GPC5: variants seen among roughly 807,000 people sequenced by gnomAD.
The protein encoded by GPC5 is glypican-5.
A neutral mutation model predicts 53.9 loss-of-function variants in GPC5; 47 were observed. The observed-to-expected ratio is 0.87, with a 90% CI of 0.69 to 1.11. GPC5 has a LOEUF of 1.11. Ranked by LOEUF, GPC5 falls within the 50% of genes most tolerant of loss-of-function variation. The pLI is 0.00. For synonymous variants in GPC5, 286 were observed against 263.3 expected, an observed-to-expected ratio of 1.09 and a Z score of -0.84; for missense variants, 748 against 713.1, an observed-to-expected ratio of 1.05 and a Z score of -0.56.
chr13:92,644,040 A>G (rs1440216454), intron 7 of GPC5, among the ~76,000 whole-genome samples: 2 of 152,198 alleles, frequency 1.3e-5, no homozygotes, highest in Non-Finnish European at 2.9e-5. Flanking sequence ...CAGAGGAAGC[A>G]TGGGGGTAGG....
intron 5 of GPC5, among the ~76,000 whole-genome samples, chr13:91,799,044 A>T (rs973691324): frequency 6.6e-6 from 1 of 151,934 alleles, no homozygotes; most frequent in African/African-American, 2.4e-5. Context: ...TATGTTCCTT[A>T]CCGTACTATT....
intron 7 of GPC5, among the ~76,000 whole-genome samples, chr13:92,715,370 A>G (rs1387417665): frequency 6.6e-6 from 1 of 152,216 alleles, no homozygotes; most frequent in Non-Finnish European, 1.5e-5. Context: ...TATGAATCAG[A>G]ATTTCCTCCT....
intron 7 of GPC5, among the ~76,000 whole-genome samples, chr13:92,530,844 T>A (rs9516089): frequency 0.44 from 67,340 of 151,970 alleles, 15,541 homozygotes; most frequent in African/African-American, 0.56. Context: ...TCTAATTGAG[T>A]TTGGTGAATC....
chr13:92,707,734 A>C (rs1887999282), intron 7 of GPC5, among the ~76,000 whole-genome samples: 1 of 152,092 alleles, frequency 6.6e-6, no homozygotes, highest in South Asian at 2.1e-4. Context: ...CTTAGGCTAC[A>C]ATCCTACAAA....
In GPC5 at chr13:92,166,945, C is replaced by CTCTA. The variant is rs1391897030; in HGVS notation, c.1561+21959_1561+21960insATCT. The stretch of plus-strand genomic sequence containing the variant: ...AGTCTCTCTCTCTCTCTCTCTCTCT[C>CTCTA]TCTCTCTCTCTCACACACACACACA... On this transcript the variant is annotated intron_variant, in intron 7 of 7. Coordinates refer to ENST00000377067, the MANE Select transcript of GPC5 (RefSeq NM_004466.6). Among the ~76,000 whole-genome samples the CTCTA allele has an allele frequency of 7.2e-3, 487 of 67,854 alleles. 3 individuals are homozygous for CTCTA. Among genetic ancestry groups the CTCTA allele is most frequent in the African/African-American group, 0.018 (443 of 24,058 alleles). 44.5% of individuals were successfully genotyped at this position (67,854 alleles called of 152,430 possible).
intron 7 of GPC5, among the ~76,000 whole-genome samples, chr13:92,611,879 C>T (rs11617429): frequency 0.16 from 24,752 of 151,960 alleles, 2,478 homozygotes; most frequent in Non-Finnish European, 0.23. Context: ...TACTGCCATA[C>T]GATTCCAAAT....
At chr13:92,053,882 A>G (rs1369857250) in intron 6 of GPC5, among the ~76,000 whole-genome samples, 3 of 151,724 alleles carry the variant, frequency 2.0e-5, no homozygotes, top group Non-Finnish European at 2.9e-5. Context: ...ATACAAAAAA[A>G]TTAGCCGGTT....
intron 7 of GPC5, among the ~76,000 whole-genome samples, chr13:92,756,508 G>A (rs1225486185): frequency 6.6e-6 from 1 of 151,998 alleles, no homozygotes; most frequent in East Asian, 1.9e-4. Flanking sequence ...ATGAAATAAA[G>A]GGTATTCAAT....
rs548586211 is a variant in GPC5, at chr13:92,753,664, C to T, written c.1562-112618C>T. On this transcript the variant is annotated intron_variant, in intron 7 of 7. Coordinates refer to ENST00000377067, the MANE Select transcript of GPC5 (RefSeq NM_004466.6). ...GCTGATGGAGCTGAAAACCAAGGCT[C>T]GAGAACTACGTGAAGAATGCAGAAA... Among the ~76,000 whole-genome samples the T allele has an allele frequency of 8.4e-3, 1,276 of 151,914 alleles. 17 individuals carry two copies. Among genetic ancestry groups the T allele is most frequent in the African/African-American group, 0.03 (1,223 of 41,422 alleles).
chr13:91,785,329 A>G (rs1210651349), intron 5 of GPC5, among the ~76,000 whole-genome samples: 1 of 152,154 alleles, frequency 6.6e-6, no homozygotes, highest in Non-Finnish European at 1.5e-5. Context: ...GCCTCTACCT[A>G]TTAGATGCCA....
At chr13:91,490,485 AATTG>A (rs1883882126) in intron 2 of GPC5, among the ~76,000 whole-genome samples, 1 of 152,148 alleles carries the variant, frequency 6.6e-6, no homozygotes, top group East Asian at 1.9e-4. Flanking sequence ...GTTTTTATTT[AATTG>A]ATAATCCTTA....
Position 92,527,172 on chromosome 13 carries a change from G to GA in GPC5, c.1562-339109dup, listed in dbSNP as rs1472056609. On this transcript the variant is annotated intron_variant, in intron 7 of 7. Coordinates refer to ENST00000377067, the MANE Select transcript of GPC5 (RefSeq NM_004466.6). Reference sequence around the variant, plus strand: ...AGAAAGAAAGAAAGAAAGAAAGAAAGAGAAAGAAAGAAGAAAGAAAGAAAG... The same window carrying GA: ...AGAAAGAAAGAAAGAAAGAAAGAAAGAAGAAAGAAAGAAGAAAGAAAGAAAG... Among the ~76,000 whole-genome samples the GA allele has an allele frequency of 4.8e-3, 295 of 60,940 alleles. 8 individuals carry two copies. Among genetic ancestry groups the GA allele is most frequent in the African/African-American group, 0.016 (269 of 16,416 alleles). The allele number at this position is 60,940 out of a possible 152,430, so 40.0% of individuals were successfully genotyped here.
chr13:91,783,807 T>G (rs1407048252), intron 5 of GPC5, among the ~76,000 whole-genome samples: 1 of 152,162 alleles, frequency 6.6e-6, no homozygotes, highest in Non-Finnish European at 1.5e-5. Flanking sequence ...AGTATTTGTG[T>G]TAAAAGTTCT....
intron 7 of GPC5, among the ~76,000 whole-genome samples, chr13:92,557,007 C>T (rs1230060965): frequency 6.6e-6 from 1 of 151,562 alleles, no homozygotes; most frequent in Non-Finnish European, 1.5e-5. Context: ...ATGTTTTAAT[C>T]TTTGCAATAG....
At chr13:92,774,099 G>A (rs1875707107) in intron 7 of GPC5, among the ~76,000 whole-genome samples, 1 of 152,180 alleles carries the variant, frequency 6.6e-6, no homozygotes, top group African/African-American at 2.4e-5. Context: ...TATAATTCAA[G>A]GTGAGATTTG....
At chr13:92,600,879 A>G (rs1049529883) in intron 7 of GPC5, among the ~76,000 whole-genome samples, 1 of 152,064 alleles carries the variant, frequency 6.6e-6, no homozygotes, top group South Asian at 2.1e-4. Context: ...AATTTACCCA[A>G]ATATGAAAAT....
At chr13:92,209,653 T>G (rs927680461) in intron 7 of GPC5, among the ~76,000 whole-genome samples, 5 of 152,116 alleles carry the variant, frequency 3.3e-5, no homozygotes, top group African/African-American at 1.2e-4. Context: ...AAATAACATG[T>G]GTGTGAGAAT....
intron 7 of GPC5, among the ~76,000 whole-genome samples, chr13:92,445,205 TCC>T (rs1877749085): frequency 1.3e-5 from 2 of 150,904 alleles, no homozygotes; most frequent in Admixed American, 6.6e-5. Flanking sequence ...TCCCCTCCTC[TCC>T]CCTCTCTCTC....
At chr13:92,595,444 G>A (rs1031493515) in intron 7 of GPC5, among the ~76,000 whole-genome samples, 1 of 152,132 alleles carries the variant, frequency 6.6e-6, no homozygotes, top group African/African-American at 2.4e-5. Context: ...ACAATTATGA[G>A]TTGTGCGTAG....
Sources: allele counts gnomAD v4.1 joint callset (sites outside exome capture counted in the v4.1 genomes callset), GRCh38; gene constraint gnomAD v4.1.1; transcripts MANE v1.5; gene names NCBI Gene and HGNC (gene_info 2026-07-23, HGNC 2026-07-21).